Variants in CLDN14 observed in about 807,000 individuals in gnomAD.
The protein encoded by CLDN14 is claudin 14.
In CLDN14, 2 loss-of-function variants were observed where a neutral mutation model predicts 2.1. That is an observed-to-expected ratio of 0.96 (90% CI 0.39 to 3.01). The LOEUF (loss-of-function observed/expected upper bound fraction) is 3.01, where lower values mean the gene tolerates loss of function less well. CLDN14 is among the 30% of genes most tolerant of loss of function. The pLI, the probability that CLDN14 is intolerant of heterozygous loss-of-function variation, is 0.09. For missense variants in CLDN14, 298 were observed against 328.0 expected (o/e 0.91, Z 0.71); for synonymous variants, 136 against 154.4 (o/e 0.88, Z 0.88).
upstream of CLDN14, among the ~76,000 whole-genome samples, chr21:36,483,114 C>T (rs1241637469): frequency 6.6e-6 from 1 of 152,214 alleles, no homozygotes; most frequent in Admixed American, 6.5e-5. Context: ...TCGTGGGCTC[C>T]TACCACTACG....
At chr21:36,510,756 T>C (rs985464396) in intron 1 of CLDN14, among the ~76,000 whole-genome samples, 5 of 152,282 alleles carry the variant, frequency 3.3e-5, no homozygotes, top group African/African-American at 9.6e-5. Flanking sequence ...CATCTTTCCC[T>C]TTTGAATCCC....
At chr21:36,495,044 GA>G (rs1335770804) in intron 2 of CLDN14, among the ~76,000 whole-genome samples, 17 of 152,138 alleles carry the variant, frequency 1.1e-4, no homozygotes, top group Non-Finnish European at 2.1e-4. Flanking sequence ...AGGGGAACCA[GA>G]GGCCCAGCAC....
At chr21:36,504,106 A>G (rs1403486886) in intron 2 of CLDN14, among the ~76,000 whole-genome samples, 1 of 150,540 alleles carries the variant, frequency 6.6e-6, no homozygotes, top group Non-Finnish European at 1.5e-5. Flanking sequence ...TGGGAGGCCA[A>G]AGTGGGAGGA....
chr21:36,549,123 A>G (rs2146515984), intron 1 of CLDN14, among the ~76,000 whole-genome samples: 1 of 151,918 alleles, frequency 6.6e-6, no homozygotes, highest in East Asian at 1.9e-4. Flanking sequence ...ATGGGGCATG[A>G]CACAGACGAT....
intron 1 of CLDN14, among the ~76,000 whole-genome samples, chr21:36,515,336 A>C (rs1471299651): frequency 6.6e-6 from 1 of 152,158 alleles, no homozygotes; most frequent in Admixed American, 6.5e-5. Context: ...GGATAAATCA[A>C]ATATGATGTA....
At chr21:36,475,132 C>T (rs1351934886) in intron 1 of CLDN14, among the ~76,000 whole-genome samples, 7 of 152,140 alleles carry the variant, frequency 4.6e-5, no homozygotes, top group Non-Finnish European at 1.0e-4. Flanking sequence ...TAGACTATCA[C>T]GCCGGACAGC....
Position 36,498,983 on chromosome 21 carries a change from C to A in CLDN14, c.-82+11380G>T, listed in dbSNP as rs929247144. Among the ~76,000 whole-genome samples the A allele has an allele frequency of 6.6e-6, 1 of 152,160 alleles. No individual in the cohort carries two copies. The highest frequency in any genetic ancestry group is 2.4e-5 in the African/African-American group (1 of 41,450). On this transcript the variant is annotated intron_variant, in intron 2 of 2. Transcript: ENST00000342108. The surrounding 1 kb of genome is among the most constrained non-coding windows in gnomAD (Gnocchi z 4.9). Reference sequence around the variant, plus strand: ...ATGGGAGTGTCCTCTTGCACTCCATCCATCTGGATGAAGCACCTTTATTTT... The same window carrying A: ...ATGGGAGTGTCCTCTTGCACTCCATACATCTGGATGAAGCACCTTTATTTT...
rs1319532272 is a variant in CLDN14 at position 36,461,289 on chromosome 21, ACGGCCACCATGCACAGGAGGC to A, written c.386_406del (p.Gly129_Ala135del). On this transcript the variant is annotated inframe_deletion, in exon 2 of 2. Transcript: ENST00000399135. ...CACCACGTCGTTGGTGGTCCAGGAG[ACGGCCACCATGCACAGGAGGC>A]CGGCCAGGATGAAGAGGGTGCCGCC... 1.2e-6 allele frequency: 2 copies of A among 1,613,622 alleles called. No homozygotes were observed. Among genetic ancestry groups the A allele is most frequent in the Non-Finnish European group, 1.7e-6 (2 of 1,180,010 alleles).
At chr21:36,567,227 A>C (rs916116104) in intron 1 of CLDN14, among the ~76,000 whole-genome samples, 4 of 152,242 alleles carry the variant, frequency 2.6e-5, no homozygotes, top group Admixed American at 2.6e-4. Flanking sequence ...ATGAACTCAG[A>C]GAAGGCTCTT....
chr21:36,474,887 G>A (rs1442730413), intron 1 of CLDN14, among the ~76,000 whole-genome samples: 1 of 152,188 alleles, frequency 6.6e-6, no homozygotes, highest in East Asian at 1.9e-4. Flanking sequence ...CAGGAGGCTG[G>A]GGGAGATGTC....
chr21:36,509,149 G>A (rs1312519292), intron 2 of CLDN14, among the ~76,000 whole-genome samples: 1 of 152,228 alleles, frequency 6.6e-6, no homozygotes, highest in Non-Finnish European at 1.5e-5. Context: ...GCTGCGGTGT[G>A]TATTGTGCTA....
In CLDN14 at chr21:36,470,884, G is replaced by A. The variant is rs2086702608; in HGVS notation, c.-82+8611C>T. 2.6e-5 allele frequency among the ~76,000 whole-genome samples: 4 copies of A among 152,262 alleles called. No individual in the cohort carries two copies. The South Asian group carries it at 8.3e-4, about 31-fold the overall frequency. ...CCAGCTACTTTGGAAGCTGAGGTGGGAGGATGGCTTGAGCCTGGGAGGCAT... is the reference window on the plus strand; with the variant it reads ...CCAGCTACTTTGGAAGCTGAGGTGGAAGGATGGCTTGAGCCTGGGAGGCAT... On this transcript the variant is annotated intron_variant, in intron 1 of 1. Coordinates refer to ENST00000399135, the MANE Select transcript of CLDN14 (RefSeq NM_001146079.2).
chr21:36,573,418 T>C (rs2087722869), intron 1 of CLDN14, among the ~76,000 whole-genome samples: 2 of 152,264 alleles, frequency 1.3e-5, no homozygotes, highest in Admixed American at 1.3e-4. Flanking sequence ...TACAAAGTTC[T>C]GGGGCCCATT....
intron 1 of CLDN14, among the ~76,000 whole-genome samples, chr21:36,535,096 A>C (rs1221968846): frequency 1.3e-5 from 2 of 152,242 alleles, no homozygotes; most frequent in Non-Finnish European, 2.9e-5. Flanking sequence ...TCCATTTTTA[A>C]AAATGCTTTG....
At chr21:36,572,007 C>T (rs949577179) in intron 1 of CLDN14, among the ~76,000 whole-genome samples, 6 of 152,164 alleles carry the variant, frequency 3.9e-5, no homozygotes, top group African/African-American at 1.4e-4. Context: ...CTCCCCACTC[C>T]GTGAAATAAG....
In CLDN14 at chr21:36,529,292, CT is replaced by C. The variant is rs1025359124; in HGVS notation, c.-219-18793del. On this transcript the variant is annotated intron_variant, in intron 1 of 2. Coordinates refer to the CLDN14 transcript ENST00000342108. ...CCTGTGCAGGTAAAAAAAACCACAT[CT>C]TTTTTTTTTGAGAGGGTGTCTTGCT... 1.2e-4 allele frequency among the ~76,000 whole-genome samples: 18 copies of C among 149,220 alleles called. No individual in the cohort carries two copies. The South Asian group carries it at 1.7e-3, about 14-fold the overall frequency.
intron 1 of CLDN14, among the ~76,000 whole-genome samples, chr21:36,541,721 C>T (rs1036755671): frequency 1.3e-5 from 2 of 152,080 alleles, no homozygotes; most frequent in African/African-American, 2.4e-5. Flanking sequence ...CCCAAATGCC[C>T]GGTAGAATGG....
At chr21:36,528,672 C>T (rs9980854) in intron 1 of CLDN14, among the ~76,000 whole-genome samples, 71,701 of 151,744 alleles carry the variant, frequency 0.47, 19,150 homozygotes, top group Middle Eastern at 0.62. Context: ...GGGCATCTGT[C>T]CCTCTCCTGC....
chr21:36,501,841 G>A (rs1054544862), intron 2 of CLDN14, among the ~76,000 whole-genome samples: 4 of 152,022 alleles, frequency 2.6e-5, no homozygotes, highest in African/African-American at 7.2e-5. Flanking sequence ...GCAGGAGGGA[G>A]ATAAAAGTGA....
Sources: allele counts gnomAD v4.1 joint callset (sites outside exome capture counted in the v4.1 genomes callset), GRCh38; gene constraint gnomAD v4.1.1; non-coding constraint Gnocchi (gnomAD v3.1); transcripts MANE v1.5; gene names NCBI Gene and HGNC (gene_info 2026-07-23, HGNC 2026-07-21).